The following BTBD10 variants were observed in gnomAD, a reference collection of about 807,000 sequenced individuals.
BTBD10 encodes BTB/POZ domain-containing protein 10.
Under a neutral mutation model 53.2 loss-of-function variants are expected in BTBD10, and 21 were observed. That is an observed-to-expected ratio of 0.39 (90% CI 0.28 to 0.57). The LOEUF is 0.57. Ranked by LOEUF, BTBD10 falls within the 20% of genes least tolerant of loss-of-function variation. BTBD10 has a pLI of 0.53. For synonymous variants in BTBD10, 149 were observed against 192.7 expected (o/e 0.77, Z 1.88); for missense variants, 360 against 594.7 (o/e 0.61, Z 4.10).
At position 13,395,833 on chromosome 11, in the gene BTBD10, A is replaced by G. The variant is rs539153027; in HGVS notation, c.1118-6692T>C. The stretch of plus-strand genomic sequence containing the variant: ...TTGCTTGTTTTTGTCAGGTTTGTCA[A>G]AGATCAGATAGTTGTAGATATGCGG... On this transcript the variant is annotated intron_variant, in intron 8 of 8. Transcript: ENST00000278174. Among the ~76,000 whole-genome samples, 9 of 152,286 alleles carry G rather than the reference A, an allele frequency of 5.9e-5. No individual in the cohort carries two copies. In the South Asian group the frequency reaches 1.9e-3, roughly 32 times the overall value.
chr11:13,442,326 C>A (rs1233209563), intron 2 of BTBD10, among the ~76,000 whole-genome samples: 5 of 152,214 alleles, frequency 3.3e-5, no homozygotes, highest in African/African-American at 1.2e-4. Flanking sequence ...TTCATTACAT[C>A]TGTTCTATTT....
chr11:13,401,126 T>TATATATAG (rs1949708313), intron 8 of BTBD10, among the ~76,000 whole-genome samples: 3 of 149,950 alleles, frequency 2.0e-5, no homozygotes, highest in South Asian at 2.1e-4. Context: ...ATATATCAGA[T>TATATATAG]ATATATATAT....
At chr11:13,408,858 C>T (rs558975227) in intron 6 of BTBD10, among the ~76,000 whole-genome samples, 26 of 152,294 alleles carry the variant, frequency 1.7e-4, no homozygotes, top group African/African-American at 6.3e-4. Flanking sequence ...TAGCACAATT[C>T]CCCTTTTGGT....
rs753752344 is a variant in BTBD10 at position 13,389,096 on chromosome 11, C to T, written c.1163G>A (p.Arg388His). 8 of 1,613,972 alleles carry T rather than the reference C, an allele frequency of 5.0e-6. No homozygotes were observed. Among genetic ancestry groups the T allele is most frequent in the East Asian group, 2.2e-5 (1 of 44,876 alleles). ...GACATAGTTGTAGATCACTTCTGGG[C>T]GGCCTCCAGGCCTTTTCTTTACTTT... ...KEKVKKRPGGRPEVIYNYVQR... is the reference protein window; with the variant it reads ...KEKVKKRPGGHPEVIYNYVQR... The change falls in exon 9 of 9, where the codon CGC (arginine) becomes CAC (histidine). Residue 388 changes from arginine to histidine, a missense_variant. Transcript: ENST00000278174.
At chr11:13,397,406 A>G (rs1041761046) in intron 8 of BTBD10, among the ~76,000 whole-genome samples, 3 of 151,970 alleles carry the variant, frequency 2.0e-5, no homozygotes, top group Non-Finnish European at 4.4e-5. Flanking sequence ...AACATTTTTT[A>G]TTGCGTCTAT....
At chr11:13,444,905 A>T (rs570389067) in intron 2 of BTBD10, 119 bp downstream of exon 2, 2 of 593,874 alleles carry the variant, frequency 3.4e-6, no homozygotes, top group South Asian at 5.8e-5. Flanking sequence ...AACATTCACA[A>T]CGTTTTGTAA....
chr11:13,443,599 ACTTTT>A (rs1209265404), intron 2 of BTBD10, among the ~76,000 whole-genome samples: 1 of 145,432 alleles, frequency 6.9e-6, no homozygotes, highest in Non-Finnish European at 1.5e-5. Flanking sequence ...TAAAACCAAT[ACTTTT>A]TTTTTTTTGA....
chr11:13,455,420 T>C (rs1265039739), intron 1 of BTBD10, among the ~76,000 whole-genome samples: 2 of 152,244 alleles, frequency 1.3e-5, no homozygotes, highest in African/African-American at 4.8e-5. Flanking sequence ...GTTATTCATT[T>C]GTTTCTTTCC....
intron 3 of BTBD10, 123 bp from the exon 4 acceptor site, chr11:13,419,868 A>G (rs1412033004): frequency 3.9e-6 from 4 of 1,017,954 alleles, no homozygotes; most frequent in South Asian, 1.9e-5. Flanking sequence ...CTACTTTTCA[A>G]TTTCAAATAA....
At chr11:13,440,359 G>T in intron 2 of BTBD10, 1 of 1,031,020 alleles carries the variant, frequency 9.7e-7, no homozygotes, top group Non-Finnish European at 1.2e-6. Flanking sequence ...CAAAACGCAG[G>T]AGTTGAGGGC....
intron 3 of BTBD10, among the ~76,000 whole-genome samples, chr11:13,420,058 G>A (rs1950212135): frequency 6.6e-6 from 1 of 151,996 alleles, no homozygotes; most frequent in Non-Finnish European, 1.5e-5. Context: ...CTTAAAAATA[G>A]AAACCCAAGG....
chr11:13,445,269 C>A (rs1950732294), intron 1 of BTBD10, 88 bp from the exon 2 acceptor site: 2 of 482,866 alleles, frequency 4.1e-6, no homozygotes, highest in Non-Finnish European at 7.3e-6. Flanking sequence ...ATTATTGTGA[C>A]ATATTTTTAA....
chr11:13,432,728 T>G (rs1950472859), intron 2 of BTBD10, among the ~76,000 whole-genome samples: 2 of 151,770 alleles, frequency 1.3e-5, no homozygotes, highest in South Asian at 4.1e-4. Context: ...AAATGCAAAA[T>G]AATAGCAGAA....
chr11:13,402,396 A>G (rs1034556509), intron 8 of BTBD10, among the ~76,000 whole-genome samples: 2 of 152,182 alleles, frequency 1.3e-5, no homozygotes, highest in African/African-American at 4.8e-5. Flanking sequence ...AAAACCTTAT[A>G]AAGTACTCAT....
chr11:13,396,132 T>C (rs1436284886), intron 8 of BTBD10, among the ~76,000 whole-genome samples: 2 of 152,190 alleles, frequency 1.3e-5, no homozygotes, highest in East Asian at 3.9e-4. Flanking sequence ...CCTTGAGCAG[T>C]ATGGCCATTT....
chr11:13,394,904 G>A (rs1949501364), intron 8 of BTBD10, among the ~76,000 whole-genome samples: 1 of 151,716 alleles, frequency 6.6e-6, no homozygotes, highest in African/African-American at 2.4e-5. Flanking sequence ...AGTATTCCAT[G>A]GTGTGTATGT....
chr11:13,393,870 C>A (rs1358687474), intron 8 of BTBD10, among the ~76,000 whole-genome samples: 2 of 152,100 alleles, frequency 1.3e-5, no homozygotes, highest in Non-Finnish European at 2.9e-5. Flanking sequence ...ATTTATTCCC[C>A]AAAAAACTTT....
chr11:13,461,930 C>CT (rs564388278), intron 1 of BTBD10, among the ~76,000 whole-genome samples: 18,004 of 135,988 alleles, frequency 0.13, 1,283 homozygotes, highest in African/African-American at 0.16. Context: ...TCTTCTCACA[C>CT]TTTTTTTTTT....
At chr11:13,449,535 T>C (rs1197706036) in intron 1 of BTBD10, among the ~76,000 whole-genome samples, 1 of 152,112 alleles carries the variant, frequency 6.6e-6, no homozygotes, top group East Asian at 1.9e-4. Flanking sequence ...TTACCAACAA[T>C]GTGCCTTTTA....
Sources: gnomAD v4.1 joint callset for allele counts (sites outside exome capture counted in the v4.1 genomes callset) on GRCh38, gnomAD v4.1.1 for gene constraint, MANE v1.5 for transcripts, NCBI Gene and HGNC (gene_info 2026-07-23, HGNC 2026-07-21) for gene names.